Variants in FCHO2 observed in about 807,000 individuals in gnomAD.
The protein encoded by FCHO2 is FCH and mu domain containing endocytic adaptor 2, also known as F-BAR domain only protein 2.
Under a neutral mutation model 114.1 loss-of-function variants are expected in FCHO2, and 43 were observed. That is an observed-to-expected ratio of 0.38 (90% CI 0.30 to 0.49). The LOEUF (loss-of-function observed/expected upper bound fraction) is 0.49, where lower values mean the gene tolerates loss of function less well. FCHO2 is among the 20% of genes least tolerant of loss of function. FCHO2 has a pLI of 0.97. For synonymous variants in FCHO2, 293 were observed against 315.2 expected, an observed-to-expected ratio of 0.93 and a Z score of 0.75; for missense variants, 807 against 950.4, an observed-to-expected ratio of 0.85 and a Z score of 1.98.
At position 72,968,676 on chromosome 5, in the gene FCHO2, G is replaced by A. The variant is rs975330917; in HGVS notation, c.125+87G>A. On this transcript the variant is annotated intron_variant, in intron 2 of 25. Coordinates refer to ENST00000430046, the MANE Select transcript of FCHO2 (RefSeq NM_138782.3). Reference sequence around the variant, plus strand: ...ATAAATAATGGAGAAAACTTTATTTGGATTTGGAATAAAGTAATTGTTTTA... The same window carrying A: ...ATAAATAATGGAGAAAACTTTATTTAGATTTGGAATAAAGTAATTGTTTTA... 7 of 919,934 alleles carry A rather than the reference G, an allele frequency of 7.6e-6. No homozygotes were observed. The African/African-American group carries it at 1.2e-4, about 16-fold the overall frequency. 57.0% of individuals were successfully genotyped at this position (919,934 alleles called of 1,614,324 possible). A position where few individuals can be genotyped will look rare whatever the true frequency, so the allele number is the denominator to read the frequency against.
At chr5:72,966,125 C>A (rs934020966) in intron 1 of FCHO2, among the ~76,000 whole-genome samples, 65 of 152,132 alleles carry the variant, frequency 4.3e-4, no homozygotes, top group African/African-American at 1.6e-3. Context: ...ACCTGTAATC[C>A]CAGCACTTTG....
chr5:73,061,245 A>G (rs924993723), intron 17 of FCHO2, among the ~76,000 whole-genome samples: 6 of 152,052 alleles, frequency 3.9e-5, no homozygotes, highest in African/African-American at 1.4e-4. Flanking sequence ...GAAAACAGGA[A>G]TAACTCTGAC....
intron 2 of FCHO2, among the ~76,000 whole-genome samples, chr5:72,973,250 T>C (rs1160389891): frequency 2.0e-5 from 3 of 152,100 alleles, no homozygotes; most frequent in South Asian, 2.1e-4. Context: ...TCTTTTTCTA[T>C]TGATTGGAAT....
rs1754478283 is a variant in FCHO2 at position 73,002,148 on chromosome 5, G to C, written c.496-4297G>C. On this transcript the variant is annotated intron_variant, in intron 5 of 25. Coordinates refer to ENST00000430046, the MANE Select transcript of FCHO2 (RefSeq NM_138782.3). The stretch of plus-strand genomic sequence containing the variant: ...AATAAGTGCTGAATGTATAGACCAG[G>C]ATTTATAGTGAGAATATCATGAGAG... Among the ~76,000 whole-genome samples the C allele has an allele frequency of 2.0e-5, 3 of 152,080 alleles. No individual in the cohort carries two copies. The South Asian group carries it at 6.2e-4, about 31-fold the overall frequency.
chr5:73,002,446 A>G (rs1225818738), intron 5 of FCHO2, among the ~76,000 whole-genome samples: 2 of 152,120 alleles, frequency 1.3e-5, no homozygotes, highest in African/African-American at 4.8e-5. Context: ...CTTTATTTCT[A>G]TTAGGTTATA....
intron 20 of FCHO2, among the ~76,000 whole-genome samples, chr5:73,075,391 C>T (rs1171847039): frequency 6.6e-6 from 1 of 151,976 alleles, no homozygotes; most frequent in Non-Finnish European, 1.5e-5. Context: ...GTGTAAGATA[C>T]CAAGGTAAAA....
intron 23 of FCHO2, among the ~76,000 whole-genome samples, chr5:73,082,249 T>C (rs1743119118): frequency 7.3e-6 from 1 of 136,480 alleles, no homozygotes; most frequent in Non-Finnish European, 1.6e-5. Flanking sequence ...GTGCTTGACC[T>C]CTCTAAACTT....
intron 9 of FCHO2, among the ~76,000 whole-genome samples, chr5:73,035,519 G>A (rs1314097062): frequency 6.6e-6 from 1 of 151,858 alleles, no homozygotes; most frequent in African/African-American, 2.4e-5. Context: ...TTTATTTTTT[G>A]GGAGACAGGG....
chr5:72,956,353 G>A (rs547244784), intron 1 of FCHO2, among the ~76,000 whole-genome samples: 1 of 151,738 alleles, frequency 6.6e-6, no homozygotes, highest in Non-Finnish European at 1.5e-5. Context: ...CGCGGCCCGG[G>A]GGCCCGCAGC....
chr5:73,078,235 GT>G lies in FCHO2; in HGVS notation c.1905del (p.Thr636GlnfsTer19). 1 of 1,590,964 alleles carries G rather than the reference GT, an allele frequency of 6.3e-7. No homozygotes were observed. The highest frequency in any genetic ancestry group is 8.6e-7 in the Non-Finnish European group (1 of 1,168,130). On this transcript the variant is annotated frameshift_variant, in exon 22 of 26. Coordinates refer to ENST00000430046, the MANE Select transcript of FCHO2 (RefSeq NM_138782.3). LOFTEE classifies it high-confidence loss of function. ...TKDFWMNMQA[V>X]TVYLKKLSEQ... Reference sequence around the variant, plus strand: ...AGATTTTTGGATGAACATGCAAGCTGTTACAGTCTACCTCAAGAAGCTGTCA... The same window carrying G: ...AGATTTTTGGATGAACATGCAAGCTGTACAGTCTACCTCAAGAAGCTGTCA...
At chr5:73,006,272 TAAC>T (rs767566492) in intron 5 of FCHO2, among the ~76,000 whole-genome samples, 170 bp from the exon 6 acceptor site, 1 of 152,120 alleles carries the variant, frequency 6.6e-6, no homozygotes, top group Non-Finnish European at 1.5e-5. Flanking sequence ...TGGCTGACTG[TAAC>T]AACAACAATA....
At chr5:72,963,627 C>T (rs1042451240) in intron 1 of FCHO2, among the ~76,000 whole-genome samples, 4 of 152,062 alleles carry the variant, frequency 2.6e-5, no homozygotes, top group Non-Finnish European at 4.4e-5. Flanking sequence ...TAGCTCACTG[C>T]AGCCTTGAAC....
intron 24 of FCHO2, among the ~76,000 whole-genome samples, chr5:73,085,588 A>G (rs1743271695): frequency 6.7e-6 from 1 of 149,326 alleles, no homozygotes; most frequent in South Asian, 2.1e-4. Context: ...CAGCCTAGAC[A>G]ATGTGGCAAA....
intron 2 of FCHO2, among the ~76,000 whole-genome samples, chr5:72,983,364 A>G (rs1171626862): frequency 1.3e-5 from 2 of 151,194 alleles, no homozygotes; most frequent in Non-Finnish European, 3.0e-5. Context: ...TCCCTCCCCT[A>G]GCTTTATTTT....
intron 6 of FCHO2, among the ~76,000 whole-genome samples, chr5:73,007,578 G>C (rs1754787685): frequency 6.6e-6 from 1 of 152,158 alleles, no homozygotes; most frequent in Non-Finnish European, 1.5e-5. Context: ...CTTCCCATTT[G>C]AAGTAGTGAA....
At chr5:73,060,361 T>C (rs1157029493) in intron 17 of FCHO2, among the ~76,000 whole-genome samples, 2 of 152,104 alleles carry the variant, frequency 1.3e-5, no homozygotes, top group East Asian at 3.8e-4. Flanking sequence ...GTTATCTTGT[T>C]ATATAGTAGT....
At position 73,082,875 on chromosome 5, in the gene FCHO2, GAT is replaced by G. The variant is rs774288269; in HGVS notation, c.2245+51_2245+52del. 3.0e-6 allele frequency: 4 copies of G among 1,352,026 alleles called. No individual in the cohort carries two copies. In the South Asian group the frequency reaches 4.2e-5, roughly 14 times the overall value. The allele number at this position is 1,352,026 out of a possible 1,614,324, so 83.8% of individuals were successfully genotyped here. On this transcript the variant is annotated intron_variant, in intron 24 of 25. Coordinates refer to ENST00000430046, the MANE Select transcript of FCHO2 (RefSeq NM_138782.3). ...TTATAAAATGATGTCACTGAAAATT[GAT>G]TTTTTTTTTTTTTTTAAAACAGAGT...
At chr5:73,083,892 CAAAAAAAAAA>C (rs765390330) in intron 24 of FCHO2, among the ~76,000 whole-genome samples, 1 of 79,296 alleles carries the variant, frequency 1.3e-5, no homozygotes, top group African/African-American at 4.8e-5. Context: ...GACTCTGTCT[CAAAAAAAAAA>C]AAAAAAAAAA....
chr5:72,979,609 T>C (rs1753085243), intron 2 of FCHO2, among the ~76,000 whole-genome samples: 1 of 151,536 alleles, frequency 6.6e-6, no homozygotes, highest in African/African-American at 2.4e-5. Flanking sequence ...GCCAGGATGG[T>C]CTCGATCTCC....
Sources: allele counts gnomAD v4.1 joint callset (sites outside exome capture counted in the v4.1 genomes callset), GRCh38; gene constraint gnomAD v4.1.1; transcripts MANE v1.5; gene names NCBI Gene and HGNC (gene_info 2026-07-23, HGNC 2026-07-21).